Variants in DOCK7 observed in about 807,000 individuals in gnomAD.
DOCK7 encodes the protein dedicator of cytokinesis 7, also known as dedicator of cytokinesis protein 7.
A neutral mutation model predicts 271.0 loss-of-function variants in DOCK7; 138 were observed. The ratio of observed to expected loss-of-function variants is 0.51; its 90% CI spans 0.44 to 0.59. DOCK7 has a LOEUF of 0.59. Among genes scored for constraint, DOCK7 ranks in the 20% least tolerant of loss-of-function variants. DOCK7 has a pLI of 0.00. For missense variants in DOCK7, 2,066 were observed against 2,592.4 expected, an observed-to-expected ratio of 0.80 and a Z score of 4.41; for synonymous variants, 823 against 876.1, an observed-to-expected ratio of 0.94 and a Z score of 1.07.
intron 44 of DOCK7, among the ~76,000 whole-genome samples, chr1:62,476,527 G>A (rs1309894990): frequency 6.6e-6 from 1 of 152,140 alleles, no homozygotes; most frequent in East Asian, 1.9e-4. Context: ...GTTTTACTGA[G>A]TTTATTGTGG....
At chr1:62,576,547 T>G (rs1001984619) in intron 18 of DOCK7, among the ~76,000 whole-genome samples, 2 of 152,226 alleles carry the variant, frequency 1.3e-5, no homozygotes, top group Non-Finnish European at 2.9e-5. Context: ...AAAATTTATT[T>G]GTGAATACAT....
intron 43 of DOCK7, chr1:62,479,138 C>G (rs1646046337): frequency 6.6e-6 from 1 of 152,036 alleles, no homozygotes. Context: ...CCTCTGAATT[C>G]TCTTTAAGCC....
intron 20 of DOCK7, among the ~76,000 whole-genome samples, chr1:62,556,381 T>C (rs1189537347): frequency 6.6e-6 from 1 of 151,988 alleles, no homozygotes; most frequent in Non-Finnish European, 1.5e-5. Context: ...AAATAGCATA[T>C]AAGGGCATAT....
chr1:62,455,355 T>A lies in DOCK7; in HGVS notation c.*59A>T, dbSNP rs1464732814. On this transcript the variant is annotated 3_prime_UTR_variant, in exon 50 of 50. Transcript: ENST00000635253. ...TCCATGTTGTTTTCCAATAGATCTT[T>A]TCACACTCGATGTTGAATACATGGC... 1 of 1,562,136 alleles carries A rather than the reference T, an allele frequency of 6.4e-7. No homozygotes were observed. The highest frequency in any genetic ancestry group is 2.2e-5 in the East Asian group (1 of 44,476).
intron 14 of DOCK7, chr1:62,604,601 T>C (rs1650675033): frequency 3.8e-6 from 6 of 1,598,162 alleles, no homozygotes; most frequent in Non-Finnish European, 5.1e-6. Flanking sequence ...TACGAGTCTG[T>C]ACCCATTAAA....
At chr1:62,682,652 C>A (rs993687569) in intron 1 of DOCK7, among the ~76,000 whole-genome samples, 9 of 152,170 alleles carry the variant, frequency 5.9e-5, no homozygotes, top group Non-Finnish European at 1.3e-4. Flanking sequence ...GTAAGCACAA[C>A]TATATAGCCC....
intron 7 of DOCK7, among the ~76,000 whole-genome samples, chr1:62,638,603 A>G (rs1655580832): frequency 6.7e-6 from 1 of 148,254 alleles, no homozygotes; most frequent in South Asian, 2.1e-4. Flanking sequence ...TCATGAATAT[A>G]TATTTTTTCA....
intron 14 of DOCK7, among the ~76,000 whole-genome samples, chr1:62,589,464 ACT>A (rs1421656835): frequency 6.6e-6 from 1 of 151,712 alleles, no homozygotes; most frequent in Admixed American, 6.6e-5. Context: ...GACGTTCCAG[ACT>A]CTTATTTTTT....
At chr1:62,628,985 C>T (rs1654282624) in intron 11 of DOCK7, 1 of 152,186 alleles carries the variant, frequency 6.6e-6, no homozygotes. Context: ...CAAAATGATG[C>T]TTAATATCGC....
intron 1 of DOCK7, chr1:62,687,555 T>G (rs571177230): frequency 1.3e-5 from 2 of 152,366 alleles, no homozygotes; most frequent in East Asian, 3.9e-4. Context: ...CTGCAATCCG[T>G]CAGGGATTCG....
intron 11 of DOCK7, among the ~76,000 whole-genome samples, chr1:62,630,833 A>C (rs1654533667): frequency 6.6e-6 from 1 of 152,214 alleles, no homozygotes. Flanking sequence ...AAAAGAAAAA[A>C]GAAAATCCTT....
intron 1 of DOCK7, 120 bp downstream of exon 1, chr1:62,688,107 A>C (rs1662046531): frequency 1.8e-6 from 2 of 1,140,544 alleles, no homozygotes; most frequent in Non-Finnish European, 1.1e-6. Flanking sequence ...GCCGCGAGCC[A>C]GGCCGCGGGA....
At chr1:62,563,430 T>C (rs910331909) in intron 18 of DOCK7, among the ~76,000 whole-genome samples, 8 of 152,132 alleles carry the variant, frequency 5.3e-5, no homozygotes, top group Admixed American at 2.0e-4. Context: ...AGATGCTAGA[T>C]AGACCCGACA....
At chr1:62,680,165 G>GGCTACAGTAACCAAAACCAGTA (rs1463432187) in intron 1 of DOCK7, among the ~76,000 whole-genome samples, 10 of 152,248 alleles carry the variant, frequency 6.6e-5, no homozygotes, top group Non-Finnish European at 1.3e-4. Context: ...AACCAAAACA[G>GGCTACAGTAACCAAAACCAGTA]CATGGTACTG....
At position 62,654,131 on chromosome 1, in the gene DOCK7, A is replaced by G. The variant is rs2149694700; in HGVS notation, c.173T>C (p.Val58Ala). 6.8e-6 allele frequency: 11 copies of G among 1,613,482 alleles called. No homozygotes were observed. Among genetic ancestry groups the G allele is most frequent in the Non-Finnish European group, 9.3e-6 (11 of 1,179,678 alleles). ...TVPLTEAVDPVDLEDYLITHP... is the reference protein window; with the variant it reads ...TVPLTEAVDPADLEDYLITHP... ...AGTAATGAGGTAATCTTCCAAATCCACTGGATCTACTGCTTCGGTAAGGGG... is the reference window on the plus strand; with the variant it reads ...AGTAATGAGGTAATCTTCCAAATCCGCTGGATCTACTGCTTCGGTAAGGGG... The change falls in exon 3 of 50, where the codon GTG becomes GCG. Residue 58 changes from valine to alanine, a missense_variant. Physicochemically the swap from Val to Ala is moderately conservative, Grantham distance 64. Coordinates refer to ENST00000635253, the MANE Select transcript of DOCK7 (RefSeq NM_001367561.1).
chr1:62,676,194 A>G (rs1207200928), intron 1 of DOCK7, among the ~76,000 whole-genome samples: 1 of 152,252 alleles, frequency 6.6e-6, no homozygotes, highest in Non-Finnish European at 1.5e-5. Flanking sequence ...AATATTAGTC[A>G]GCCATAAAAG....
rs2149794972 is a variant in DOCK7, at chr1:62,688,233, ATCT to A, written c.29_31del (p.Lys10del). On this transcript the variant is annotated inframe_deletion, in exon 1 of 50. Transcript: ENST00000635253. Reference sequence around the variant, plus strand: ...CCCCACGCCGGATATTTACCTGCTGATCTTCTGGGCGAAGGCGCGGCGCTCGGC... The same window carrying A: ...CCCCACGCCGGATATTTACCTGCTGATCTGGGCGAAGGCGCGGCGCTCGGC... The A allele has an allele frequency of 4.4e-6, 6 of 1,376,774 alleles. No individual in the cohort carries two copies. The highest frequency in any genetic ancestry group is 4.7e-6 in the Non-Finnish European group (5 of 1,052,842). The allele number at this position is 1,376,774 out of a possible 1,614,324, so 85.3% of individuals were successfully genotyped here. A position where few individuals can be genotyped will look rare whatever the true frequency, so the allele number is the denominator to read the frequency against.
At chr1:62,456,872 G>T (rs1645363901) in intron 49 of DOCK7, among the ~76,000 whole-genome samples, 1 of 152,142 alleles carries the variant, frequency 6.6e-6, no homozygotes, top group African/African-American at 2.4e-5. Context: ...GAGGGGACTA[G>T]TATGTTTCCC....
In DOCK7 at chr1:62,538,054, G is replaced by A; in HGVS notation, c.3308C>T (p.Ser1103Leu). 4 of 1,613,392 alleles carry A rather than the reference G, an allele frequency of 2.5e-6. No homozygotes were observed. The Middle Eastern group carries it at 6.6e-4, about 267-fold the overall frequency. ...LIKSCYKQVS[S>L]KLYSLPNPSV... ...GGGATTCGGTAATGAGTAAAGCTTT[G>A]AAGACACCTTGTAAGCAATGCATAA... The change falls in exon 28 of 50, where the codon TCA (serine) becomes TTA (leucine). Residue 1103 changes from serine (S) to leucine (L), a missense_variant. Coordinates refer to ENST00000635253, the MANE Select transcript of DOCK7 (RefSeq NM_001367561.1).
Sources: gnomAD v4.1 joint callset for allele counts (sites outside exome capture counted in the v4.1 genomes callset) on GRCh38, gnomAD v4.1.1 for gene constraint, MANE v1.5 for transcripts, NCBI Gene and HGNC (gene_info 2026-07-23, HGNC 2026-07-21) for gene names.